The following COL8A2 variants were observed in gnomAD, a reference collection of about 807,000 sequenced individuals.
The protein encoded by COL8A2 is collagen type VIII alpha 2 chain.
A neutral mutation model predicts 24.0 loss-of-function variants in COL8A2; 16 were observed. The observed-to-expected ratio is 0.67, with a 90% CI of 0.45 to 1.01. The LOEUF (loss-of-function observed/expected upper bound fraction) is 1.01. Ranked by LOEUF, COL8A2 falls within the 50% of genes least tolerant of loss-of-function variation. COL8A2 has a pLI of 0.00. For synonymous variants in COL8A2, 466 were observed against 424.5 expected, an observed-to-expected ratio of 1.10 and a Z score of -1.20; for missense variants, 818 against 942.4, an observed-to-expected ratio of 0.87 and a Z score of 1.73.
intron 2 of COL8A2, among the ~76,000 whole-genome samples, chr1:36,113,543 C>T (rs1194112618): frequency 1.3e-5 from 2 of 152,320 alleles, no homozygotes; most frequent in East Asian, 1.9e-4. Context: ...AGGGACTTGG[C>T]GGGGGGTCCA....
intron 2 of COL8A2, among the ~76,000 whole-genome samples, chr1:36,110,844 AC>A (rs78445351): frequency 0.03 from 4,510 of 152,052 alleles, 231 homozygotes; most frequent in East Asian, 0.24. Context: ...CTTTTCCCCA[AC>A]CATTCCTGAG....
intron 1 of COL8A2, among the ~76,000 whole-genome samples, chr1:36,118,786 G>A (rs1172281467): frequency 6.6e-6 from 1 of 152,172 alleles, no homozygotes. Context: ...GGTGCTGATG[G>A]CCATGAGGTG....
intron 2 of COL8A2, among the ~76,000 whole-genome samples, chr1:36,105,177 C>G (rs1316508642): frequency 1.3e-5 from 2 of 152,160 alleles, no homozygotes; most frequent in East Asian, 3.9e-4. Context: ...ATGCAGGGCT[C>G]CAGAGAAGAT....
chr1:36,112,643 G>A (rs1357755296), intron 2 of COL8A2, among the ~76,000 whole-genome samples: 1 of 152,058 alleles, frequency 6.6e-6, no homozygotes, highest in Non-Finnish European at 1.5e-5. Flanking sequence ...GTGTTAAATG[G>A]CCACATTCTC....
Position 36,114,463 on chromosome 1 carries a change from G to A in COL8A2, c.-17+1245C>T, listed in dbSNP as rs1643870359. The stretch of plus-strand genomic sequence containing the variant: ...CCTGGGCTCCTCCCCCAACACACTA[G>A]GATCCAGACAACCCAGACGTCTCAC... On this transcript the variant is annotated intron_variant, in intron 2 of 3. Coordinates refer to ENST00000397799, the MANE Select transcript of COL8A2 (RefSeq NM_005202.4). 2.0e-5 allele frequency among the ~76,000 whole-genome samples: 3 copies of A among 152,268 alleles called. No homozygotes were observed. The South Asian group carries it at 6.2e-4, about 32-fold the overall frequency.
At chr1:36,119,052 TG>T (rs1426932534) in intron 1 of COL8A2, among the ~76,000 whole-genome samples, 10 of 152,286 alleles carry the variant, frequency 6.6e-5, no homozygotes, top group African/African-American at 2.4e-4. Flanking sequence ...CCTGGAAGGC[TG>T]GAACTGCTGT....
chr1:36,120,188 G>A (rs1411069665), intron 1 of COL8A2, among the ~76,000 whole-genome samples: 1 of 152,118 alleles, frequency 6.6e-6, no homozygotes, highest in East Asian at 1.9e-4. Context: ...GTAGACGTAC[G>A]ACAATTGAGA....
At chr1:36,120,271 TG>T (rs1401166215) in intron 1 of COL8A2, among the ~76,000 whole-genome samples, 5 of 151,964 alleles carry the variant, frequency 3.3e-5, no homozygotes, top group Non-Finnish European at 7.4e-5. Flanking sequence ...CTGACCAACA[TG>T]GCGAAACCCC....
chr1:36,124,868 G>C (rs1643940653), intron 1 of COL8A2, among the ~76,000 whole-genome samples, 189 bp downstream of exon 1: 1 of 152,036 alleles, frequency 6.6e-6, no homozygotes, highest in African/African-American at 2.4e-5. Context: ...GGAGGGAACG[G>C]GGCACAGGGA....
chr1:36,113,975 T>C (rs1020516792), intron 2 of COL8A2, among the ~76,000 whole-genome samples: 5 of 152,080 alleles, frequency 3.3e-5, no homozygotes, highest in Non-Finnish European at 7.4e-5. Context: ...CAAGGAGCAG[T>C]GAACCTGGGG....
At chr1:36,105,420 A>G (rs1246255682) in intron 2 of COL8A2, among the ~76,000 whole-genome samples, 2 of 152,196 alleles carry the variant, frequency 1.3e-5, no homozygotes, top group Admixed American at 6.5e-5. Context: ...GAGGTAGGAA[A>G]TGGAAGCTCC....
intron 2 of COL8A2, among the ~76,000 whole-genome samples, chr1:36,101,348 C>T (rs188457536): frequency 4.6e-5 from 7 of 152,304 alleles, no homozygotes; most frequent in Admixed American, 3.3e-4. Context: ...CTGGCCTTTG[C>T]GCCTGCTATT....
chr1:36,116,763 G>C (rs1163254362), intron 1 of COL8A2, among the ~76,000 whole-genome samples: 1 of 152,204 alleles, frequency 6.6e-6, no homozygotes, highest in Admixed American at 6.5e-5. Context: ...AAGTGCTGTG[G>C]GATGGGGAGG....
intron 2 of COL8A2, among the ~76,000 whole-genome samples, chr1:36,114,318 C>CAAAAAA (rs57876657): frequency 8.7e-6 from 1 of 115,336 alleles, no homozygotes; most frequent in Non-Finnish European, 1.7e-5. Flanking sequence ...GACTCCATCT[C>CAAAAAA]AAAAAAAAAA....
intron 2 of COL8A2, among the ~76,000 whole-genome samples, chr1:36,106,648 G>C (rs1643766186): frequency 6.6e-6 from 1 of 152,168 alleles, no homozygotes; most frequent in Admixed American, 6.5e-5. Context: ...GGTTGGGAGT[G>C]ATGGAGGGTG....
intron 2 of COL8A2, among the ~76,000 whole-genome samples, chr1:36,113,641 T>G (rs1643865460): frequency 6.6e-6 from 1 of 152,100 alleles, no homozygotes; most frequent in Non-Finnish European, 1.5e-5. Flanking sequence ...AGCTGGAGGG[T>G]GGAGGGAGGT....
chr1:36,124,296 T>C (rs1353625029), intron 1 of COL8A2, among the ~76,000 whole-genome samples: 1 of 152,198 alleles, frequency 6.6e-6, no homozygotes, highest in East Asian at 1.9e-4. Context: ...GGCAATAGCG[T>C]TCCTGGGCCC....
rs749820012 is a variant in COL8A2 at position 36,097,632 on chromosome 1, G to A, written c.2049C>T (p.Asn683=). ...GGATGTACTCCGTGGAGTAGAGGCC[G>A]TTGGCCTGGTCCGACGGCATCTGCA... is the stretch of plus-strand genomic sequence containing the variant. The part of the protein sequence containing the change: ...VWVQMPSDQA[N]GLYSTEYIHS... The change falls in exon 4 of 4, where the codon AAC becomes AAT. Residue 683 remains asparagine (N), a synonymous_variant. Coordinates refer to ENST00000397799, the MANE Select transcript of COL8A2 (RefSeq NM_005202.4). 1.2e-5 allele frequency: 19 copies of A among 1,613,492 alleles called. No individual in the cohort carries two copies. Among genetic ancestry groups the A allele is most frequent in the East Asian group, 4.5e-5 (2 of 44,890 alleles).
chr1:36,098,177 T>A lies in COL8A2; in HGVS notation c.1504A>T (p.Thr502Ser). Residue 502 changes from threonine to serine, a missense_variant, in exon 4 of 4, where the codon ACG (threonine) becomes TCG (serine). Thr to Ser is a moderately conservative substitution (Grantham distance 58). Around this residue, in one of 3 missense-constraint regions of COL8A2, gnomAD observed 235 missense variants for 297.3 expected, o/e 0.79. Coordinates refer to ENST00000397799, the MANE Select transcript of COL8A2 (RefSeq NM_005202.4). ...CCTGGGGGCCCCGTGGGCCCAGCCG[T>A]GCCAGGTTCCCCTGCTCTCCCCTCT... is the stretch of plus-strand genomic sequence containing the variant. ...PGEGRAGEPGTAGPTGPPGVP... is the reference protein window; with the variant it reads ...PGEGRAGEPGSAGPTGPPGVP... 6.6e-7 allele frequency: 1 copy of A among 1,520,692 alleles called. No individual in the cohort carries two copies. The highest frequency in any genetic ancestry group is 8.8e-7 in the Non-Finnish European group (1 of 1,135,094). 94.2% of individuals were successfully genotyped at this position (1,520,692 alleles called of 1,614,324 possible).
Sources: gnomAD v4.1 joint callset for allele counts (sites outside exome capture counted in the v4.1 genomes callset) on GRCh38, gnomAD v4.1.1 for gene constraint, gnomAD v4.1.1 regional missense constraint, MANE v1.5 for transcripts, NCBI Gene and HGNC (gene_info 2026-07-23, HGNC 2026-07-21) for gene names.